Variants in KCNU1 observed in about 807,000 individuals in gnomAD.
KCNU1 encodes potassium channel subfamily U member 1.
In KCNU1, 93 loss-of-function variants were observed where a neutral mutation model predicts 126.8. The observed-to-expected ratio is 0.73, with a 90% CI of 0.62 to 0.87. KCNU1 has a LOEUF of 0.87. Among genes scored for constraint, KCNU1 ranks in the 40% least tolerant of loss-of-function variants. The pLI is 0.00. For synonymous variants in KCNU1, 523 were observed against 494.2 expected (o/e 1.06, Z -0.77); for missense variants, 1,330 against 1,367.1 (o/e 0.97, Z 0.43).
chr8:36,808,677 A>C (rs1172860686), intron 6 of KCNU1, 41 bp from the exon 7 acceptor site: 2 of 1,258,200 alleles, frequency 1.6e-6, no homozygotes, highest in East Asian at 4.7e-5. Context: ...GTTGTTCTGG[A>C]ATCTGTTAGA....
rs373849917 is a variant in KCNU1 at position 36,817,716 on chromosome 8, C to T, written c.1062C>T (p.Arg354=). 127 of 1,608,316 alleles carry T rather than the reference C, an allele frequency of 7.9e-5. No homozygotes were observed. Among genetic ancestry groups the T allele is most frequent in the South Asian group, 2.5e-4 (23 of 90,748 alleles). ...CCGCTTTCCTGAGGAATTTCCTCCGCGACAAGTCAGGAGAGATCAACACTG... is the reference window on the plus strand; with the variant it reads ...CCGCTTTCCTGAGGAATTTCCTCCGTGACAAGTCAGGAGAGATCAACACTG... ...SVTAFLRNFL[R]DKSGEINTEI... is the part of the protein sequence containing the mutation. The change falls in exon 10 of 27, where the codon CGC becomes CGT. Residue 354 remains arginine, a synonymous_variant. Transcript: ENST00000399881.
chr8:36,791,371 C>T (rs1311698321), intron 2 of KCNU1, among the ~76,000 whole-genome samples: 1 of 152,108 alleles, frequency 6.6e-6, no homozygotes, highest in African/African-American at 2.4e-5. Context: ...AAATGTAAAA[C>T]CAAAATTATG....
At chr8:36,877,376 C>G (rs1806313794) in intron 19 of KCNU1, among the ~76,000 whole-genome samples, 1 of 150,936 alleles carries the variant, frequency 6.6e-6, no homozygotes, top group South Asian at 2.1e-4. Context: ...GGTCTTGGCT[C>G]ACTGCAACCT....
chr8:36,875,891 C>T (rs2117379830), intron 19 of KCNU1, among the ~76,000 whole-genome samples: 1 of 152,292 alleles, frequency 6.6e-6, no homozygotes, highest in Non-Finnish European at 1.5e-5. Context: ...TCAGCTGTTG[C>T]CCACAGCATA....
At position 36,905,708 on chromosome 8, in the gene KCNU1, G is replaced by A. The variant is rs61733542; in HGVS notation, c.2010G>A (p.Arg670=). 535 of 1,548,030 alleles carry A rather than the reference G, an allele frequency of 3.5e-4. 4 individuals are homozygous for A. In the African/African-American group the frequency reaches 4.3e-3, roughly 13 times the overall value. The part of the protein sequence containing the change: ...STSSISNFTT[R]TLQHDVEQDS... ...CTAACTCTCCATTCTTCCTATTTAG[G>A]ACTCTTCAACATGATGTAGAACAAG... Residue 670 remains arginine (R), a splice_region_variant and synonymous_variant, in exon 20 of 27, where the codon AGG becomes AGA. Transcript: ENST00000399881.
rs12676215 is a variant in KCNU1 at position 36,798,698 on chromosome 8, A to T, written c.316-5329A>T. On this transcript the variant is annotated intron_variant, in intron 2 of 26. Coordinates refer to ENST00000399881, the MANE Select transcript of KCNU1 (RefSeq NM_001031836.3). ...AGACAAACTCAACCAATTGTCAACC[A>T]GAAAATGTTTAAATTTACCTATATC... 0.011 allele frequency among the ~76,000 whole-genome samples: 1,700 copies of T among 152,336 alleles called. 192 individuals carry two copies. The East Asian group carries it at 0.25, about 22-fold the overall frequency.
intron 16 of KCNU1, among the ~76,000 whole-genome samples, chr8:36,844,682 A>G (rs1370220406): frequency 1.3e-5 from 2 of 152,196 alleles, no homozygotes; most frequent in Admixed American, 1.3e-4. Flanking sequence ...TGAAAGTTGT[A>G]AGTATCCCAG....
At chr8:36,825,945 A>G (rs1345246799) in intron 10 of KCNU1, among the ~76,000 whole-genome samples, 1 of 152,122 alleles carries the variant, frequency 6.6e-6, no homozygotes, top group Admixed American at 6.5e-5. Flanking sequence ...CAAAGGTCAT[A>G]CATTTTACTT....
At chr8:36,817,868 A>G (rs1310044109) in intron 10 of KCNU1, 108 bp downstream of exon 10, 1 of 594,032 alleles carries the variant, frequency 1.7e-6, no homozygotes, top group East Asian at 2.8e-5. Context: ...AAAAGTAGGT[A>G]TTGATCATAA....
At position 36,841,065 on chromosome 8, in the gene KCNU1, T is replaced by C. The variant is rs1383116163; in HGVS notation, c.1703+62T>C. 2.1e-5 allele frequency: 23 copies of C among 1,072,410 alleles called. No individual in the cohort carries two copies. The East Asian group carries it at 5.3e-4, about 25-fold the overall frequency. The allele number at this position is 1,072,410 out of a possible 1,614,324, so 66.4% of individuals were successfully genotyped here. A position where few individuals can be genotyped will look rare whatever the true frequency, so the allele number is the denominator to read the frequency against. ...TTTTTTTTTTTTTTTTTCCTGGAGA[T>C]TCTTTGTGATTAAGAATTTTTCCAA... is the stretch of plus-strand genomic sequence containing the variant. On this transcript the variant is annotated intron_variant, in intron 16 of 26. Coordinates refer to ENST00000399881, the MANE Select transcript of KCNU1 (RefSeq NM_001031836.3).
chr8:36,786,279 G>C (rs1802708493), intron 1 of KCNU1, among the ~76,000 whole-genome samples: 1 of 152,100 alleles, frequency 6.6e-6, no homozygotes, highest in African/African-American at 2.4e-5. Context: ...ACAGAAGGTA[G>C]CTCCAATTTT....
intron 26 of KCNU1, among the ~76,000 whole-genome samples, chr8:36,933,907 G>A (rs1199614445): frequency 6.6e-6 from 1 of 152,120 alleles, no homozygotes; most frequent in East Asian, 1.9e-4. Flanking sequence ...AAAGATGGAA[G>A]AAATAGTATC....
intron 21 of KCNU1, among the ~76,000 whole-genome samples, chr8:36,910,521 G>A (rs181659729): frequency 1.7e-3 from 265 of 152,260 alleles, no homozygotes; most frequent in Middle Eastern, 0.014. Flanking sequence ...GAGAGTATAA[G>A]TAGGGCCAGC....
intron 2 of KCNU1, among the ~76,000 whole-genome samples, chr8:36,794,270 G>T (rs75538719): frequency 0.025 from 3,836 of 150,792 alleles, 75 homozygotes; most frequent in Middle Eastern, 0.065. Flanking sequence ...TCTCTAATTT[G>T]CACCTTTCTT....
chr8:36,922,956 C>T (rs952184447), intron 24 of KCNU1: 68 of 490,854 alleles, frequency 1.4e-4, no homozygotes, highest in Non-Finnish European at 2.6e-4. Context: ...ATACCACTTT[C>T]CCTTCTCTCT....
chr8:36,921,968 G>T (rs1490945109), intron 23 of KCNU1, among the ~76,000 whole-genome samples: 3 of 152,120 alleles, frequency 2.0e-5, no homozygotes, highest in Non-Finnish European at 4.4e-5. Context: ...ATCAGAATCT[G>T]CATTGCAACC....
chr8:36,905,626 G>A lies in KCNU1; in HGVS notation c.2010-82G>A, dbSNP rs1807593760. On this transcript the variant is annotated intron_variant, in intron 19 of 26. Transcript: ENST00000399881. ...TGCTATTCTCCTCTTTGAGCTCAAG[G>A]CTCTAATGAGTTTTACATCTCGGCT... 5.0e-6 allele frequency: 4 copies of A among 795,800 alleles called. No homozygotes were observed. The East Asian group carries it at 7.4e-5, about 15-fold the overall frequency. The allele number at this position is 795,800 out of a possible 1,614,324, so 49.3% of individuals were successfully genotyped here. A position where few individuals can be genotyped will look rare whatever the true frequency, so the allele number is the denominator to read the frequency against.
chr8:36,914,751 G>A (rs7002218), intron 22 of KCNU1, among the ~76,000 whole-genome samples: 52,424 of 152,008 alleles, frequency 0.34, 9,713 homozygotes, highest in Admixed American at 0.42. Flanking sequence ...GCAAACCTAG[G>A]TACTGAACTA....
chr8:36,820,152 C>T (rs1246719583), intron 10 of KCNU1, among the ~76,000 whole-genome samples: 1 of 152,278 alleles, frequency 6.6e-6, no homozygotes, highest in African/African-American at 2.4e-5. Context: ...TACGTGGATG[C>T]CCCTAGTCAA....
Sources: gnomAD v4.1 joint callset for allele counts (sites outside exome capture counted in the v4.1 genomes callset) on GRCh38, gnomAD v4.1.1 for gene constraint, MANE v1.5 for transcripts, NCBI Gene and HGNC (gene_info 2026-07-23, HGNC 2026-07-21) for gene names.